ADAMTS6: variants seen among roughly 807,000 people sequenced by gnomAD.
The protein encoded by ADAMTS6 is ADAM metallopeptidase with thrombospondin type 1 motif 6.
In ADAMTS6, 23 loss-of-function variants were observed where a neutral mutation model predicts 144.3. That is an observed-to-expected ratio of 0.16 (90% confidence interval 0.11 to 0.23). The LOEUF (loss-of-function observed/expected upper bound fraction) is 0.23, where lower values mean the gene tolerates loss of function less well. Among genes scored for constraint, ADAMTS6 ranks in the 10% least tolerant of loss-of-function variants. The pLI, the probability that ADAMTS6 is intolerant of heterozygous loss-of-function variation, is 1.00. For synonymous variants in ADAMTS6, 444 were observed against 457.5 expected (o/e 0.97, Z 0.38); for missense variants, 999 against 1,379.6 (o/e 0.72, Z 4.37).
intron 9 of ADAMTS6, among the ~76,000 whole-genome samples, chr5:65,328,971 G>A (rs1185745064): frequency 6.6e-6 from 1 of 151,868 alleles, no homozygotes; most frequent in Non-Finnish European, 1.5e-5. Flanking sequence ...CAAACTTTAT[G>A]CCTGGAAAAG....
chr5:65,379,037 C>CATGT (rs557804251), intron 7 of ADAMTS6, among the ~76,000 whole-genome samples: 42 of 152,226 alleles, frequency 2.8e-4, no homozygotes, highest in African/African-American at 1.0e-3. Flanking sequence ...TTATAAGATA[C>CATGT]ATGTGTTCAT....
chr5:65,387,968 T>C (rs775189417), intron 7 of ADAMTS6, among the ~76,000 whole-genome samples: 12 of 152,120 alleles, frequency 7.9e-5, no homozygotes, highest in Non-Finnish European at 1.5e-4. Flanking sequence ...CCCAGCACTT[T>C]GGGAGGCCAA....
chr5:65,395,941 T>C (rs1488397670), intron 7 of ADAMTS6, among the ~76,000 whole-genome samples: 3 of 152,090 alleles, frequency 2.0e-5, no homozygotes, highest in African/African-American at 7.3e-5. Context: ...CTAAGTAGGG[T>C]TGGGAACATA....
chr5:65,207,297 G>T (rs914229573), intron 20 of ADAMTS6, among the ~76,000 whole-genome samples: 1 of 152,062 alleles, frequency 6.6e-6, no homozygotes, highest in Non-Finnish European at 1.5e-5. Context: ...ATTGGAGAAA[G>T]TTATCAGGAG....
Position 65,196,930 on chromosome 5 carries a change from C to T in ADAMTS6, c.2705+92G>A, listed in dbSNP as rs572689344. The T allele has an allele frequency of 1.6e-3, 2,346 of 1,429,398 alleles. 5 individuals carry two copies. Among genetic ancestry groups the T allele is most frequent in the South Asian group, 2.3e-3 (137 of 59,694 alleles). The allele number at this position is 1,429,398 out of a possible 1,614,324, so 88.5% of individuals were successfully genotyped here. ...CTACCTTTTTTCAGCCTAATTTATT[C>T]TCATCATATAAATATATTTCCAAAC... On this transcript the variant is annotated intron_variant, in intron 21 of 24. Transcript: ENST00000381055.
intron 7 of ADAMTS6, among the ~76,000 whole-genome samples, chr5:65,409,166 A>T (rs547836036): frequency 6.6e-6 from 1 of 152,342 alleles, no homozygotes; most frequent in East Asian, 1.9e-4. Flanking sequence ...GAACTGAAGG[A>T]GACAGAGACA....
intron 7 of ADAMTS6, among the ~76,000 whole-genome samples, chr5:65,347,689 G>C (rs1284280019): frequency 6.6e-6 from 1 of 151,952 alleles, no homozygotes; most frequent in Non-Finnish European, 1.5e-5. Flanking sequence ...GCACAGCAAA[G>C]GAAATTTAAC....
intron 7 of ADAMTS6, among the ~76,000 whole-genome samples, chr5:65,444,408 G>A (rs1255291681): frequency 1.3e-5 from 2 of 151,954 alleles, no homozygotes; most frequent in Admixed American, 6.6e-5. Context: ...AACTTAGCAA[G>A]GTTACAGGAT....
chr5:65,172,605 T>G (rs1434169700), intron 23 of ADAMTS6, among the ~76,000 whole-genome samples: 1 of 152,168 alleles, frequency 6.6e-6, no homozygotes, highest in Non-Finnish European at 1.5e-5. Flanking sequence ...AAGAATAGAA[T>G]CTGAAGTGGG....
chr5:65,317,439 C>T (rs1448863486), intron 9 of ADAMTS6, among the ~76,000 whole-genome samples: 2 of 152,050 alleles, frequency 1.3e-5, no homozygotes, highest in Non-Finnish European at 2.9e-5. Context: ...ACCTAAGACC[C>T]CAAAATATGA....
intron 24 of ADAMTS6, among the ~76,000 whole-genome samples, chr5:65,166,014 C>CA (rs1753122877): frequency 6.7e-6 from 1 of 149,150 alleles, no homozygotes; most frequent in Non-Finnish European, 1.5e-5. Flanking sequence ...ATGACAGGAT[C>CA]AAATTCACAC....
chr5:65,364,704 C>T (rs1259055179), intron 7 of ADAMTS6, among the ~76,000 whole-genome samples: 6 of 151,384 alleles, frequency 4.0e-5, no homozygotes, highest in Admixed American at 4.0e-4. Flanking sequence ...GTAGCTGGGA[C>T]TACAGGCGCC....
At position 65,393,473 on chromosome 5, in the gene ADAMTS6, C is replaced by T. The variant is rs566417603; in HGVS notation, c.1073+58002G>A. Among the ~76,000 whole-genome samples the T allele has an allele frequency of 3.9e-5, 6 of 152,296 alleles. No individual in the cohort carries two copies. The East Asian group carries it at 1.2e-3, about 29-fold the overall frequency. ...TCATTTCTCCAAATGGCTGAATTAT[C>T]ATCTGAAAACTTGTAATTCCTTGAG... On this transcript the variant is annotated intron_variant, in intron 7 of 24. Transcript: ENST00000381055.
chr5:65,456,418 C>T (rs1759208198), intron 4 of ADAMTS6, among the ~76,000 whole-genome samples: 1 of 152,134 alleles, frequency 6.6e-6, no homozygotes, highest in Non-Finnish European at 1.5e-5. Context: ...AAGATTTTAA[C>T]TTTTTGATCA....
intron 7 of ADAMTS6, among the ~76,000 whole-genome samples, chr5:65,386,455 A>G (rs1191735281): frequency 1.3e-5 from 2 of 152,216 alleles, no homozygotes; most frequent in East Asian, 3.8e-4. Context: ...GATCAAAGGT[A>G]AGTTTGAAAA....
intron 20 of ADAMTS6, among the ~76,000 whole-genome samples, chr5:65,199,714 G>A (rs546144618): frequency 1.3e-5 from 2 of 152,242 alleles, no homozygotes; most frequent in African/African-American, 4.8e-5. Flanking sequence ...TAGTTGGCAG[G>A]TCATTCATTC....
At position 65,335,637 on chromosome 5, in the gene ADAMTS6, G is replaced by A. The variant is rs1465934701; in HGVS notation, c.1074-1552C>T. Among the ~76,000 whole-genome samples, 4 of 151,848 alleles carry A rather than the reference G, an allele frequency of 2.6e-5. 1 individual carries two copies. The highest frequency in any genetic ancestry group is 2.0e-4 in the Admixed American group (3 of 15,238). The stretch of plus-strand genomic sequence containing the variant: ...TGCTGAACATTTATCATATGCCCAG[G>A]TATAGTGCCATATACTAGGAATAGA... On this transcript the variant is annotated intron_variant, in intron 7 of 24. Transcript: ENST00000381055.
intron 7 of ADAMTS6, among the ~76,000 whole-genome samples, chr5:65,437,574 A>G (rs1757538596): frequency 6.6e-6 from 1 of 152,228 alleles, no homozygotes; most frequent in African/African-American, 2.4e-5. Context: ...CAGCCAAACC[A>G]TATCACAAGG....
rs1435020140 is a variant in ADAMTS6, at chr5:65,460,564, G to T, written c.463-226C>A. 2.0e-5 allele frequency among the ~76,000 whole-genome samples: 3 copies of T among 152,296 alleles called. 1 individual carries two copies. The highest frequency in any genetic ancestry group is 3.4e-3 in the Middle Eastern group (1 of 294). ...CTCCATATGCTATGCACTGTACTAA[G>T]CATGTCACATACGTGATTTCCTCCA... On this transcript the variant is annotated intron_variant, in intron 3 of 24. Transcript: ENST00000381055.
Sources: allele counts gnomAD v4.1 joint callset (sites outside exome capture counted in the v4.1 genomes callset), GRCh38; gene constraint gnomAD v4.1.1; transcripts MANE v1.5; gene names NCBI Gene and HGNC (gene_info 2026-07-23, HGNC 2026-07-21).